SIPA1L1: variants seen among roughly 807,000 people sequenced by gnomAD.
SIPA1L1 encodes signal induced proliferation associated 1 like 1, also known as signal-induced proliferation-associated 1-like protein 1.
Under a neutral mutation model 162.7 loss-of-function variants are expected in SIPA1L1, and 26 were observed. The ratio of observed to expected loss-of-function variants is 0.16; its 90% confidence interval spans 0.12 to 0.22. SIPA1L1 has a LOEUF of 0.22. SIPA1L1 is among the 10% of genes least tolerant of loss of function. The pLI is 1.00. For synonymous variants in SIPA1L1, 829 were observed against 837.4 expected (o/e 0.99, Z 0.17); for missense variants, 1,874 against 2,241.0 (o/e 0.84, Z 3.31).
chr14:71,465,740 G>C (rs975802739), intron 2 of SIPA1L1, among the ~76,000 whole-genome samples: 1 of 152,242 alleles, frequency 6.6e-6, no homozygotes, highest in East Asian at 1.9e-4. Flanking sequence ...ACAGAACTAA[G>C]GGGAGTTTAT....
intron 2 of SIPA1L1, chr14:71,448,738 A>T (rs2045596812): frequency 6.6e-6 from 1 of 152,224 alleles, no homozygotes. Context: ...AGGCTGAGGC[A>T]GGAGGATTGT....
At chr14:71,507,422 C>G (rs1711548129) in intron 2 of SIPA1L1, among the ~76,000 whole-genome samples, 1 of 152,164 alleles carries the variant, frequency 6.6e-6, no homozygotes, top group South Asian at 2.1e-4. Context: ...AATTAAGACA[C>G]TCATCTTTCT....
intron 2 of SIPA1L1, among the ~76,000 whole-genome samples, chr14:71,391,207 T>C (rs1187296679): frequency 6.7e-6 from 1 of 148,946 alleles, no homozygotes; most frequent in Admixed American, 6.8e-5. Flanking sequence ...CCCAGGTTCA[T>C]GCCATTCTTC....
intron 2 of SIPA1L1, among the ~76,000 whole-genome samples, chr14:71,400,118 C>G (rs2041553602): frequency 6.6e-6 from 1 of 152,114 alleles, no homozygotes; most frequent in Non-Finnish European, 1.5e-5. Context: ...AGCTGAGGTA[C>G]CAGACCCAGC....
intron 12 of SIPA1L1, among the ~76,000 whole-genome samples, chr14:71,679,284 A>G (rs2149478798): frequency 6.6e-6 from 1 of 152,210 alleles, no homozygotes; most frequent in East Asian, 1.9e-4. Context: ...AATATTCAAC[A>G]TTCTTAAAGA....
chr14:71,706,802 G>A (rs189729489), intron 16 of SIPA1L1, among the ~76,000 whole-genome samples: 230 of 152,234 alleles, frequency 1.5e-3, no homozygotes, highest in Non-Finnish European at 2.7e-3. Context: ...GGAATGCCTA[G>A]GCAGGTGGAT....
At chr14:71,432,287 G>A (rs2044046052) in intron 2 of SIPA1L1, among the ~76,000 whole-genome samples, 2 of 151,812 alleles carry the variant, frequency 1.3e-5, no homozygotes, top group South Asian at 4.2e-4. Flanking sequence ...TTGCCAGGTT[G>A]GTCTTGAACT....
chr14:71,690,602 A>G (rs1458141916), intron 13 of SIPA1L1, among the ~76,000 whole-genome samples: 3 of 152,082 alleles, frequency 2.0e-5, no homozygotes, highest in African/African-American at 4.8e-5. Context: ...CTTATTTGAT[A>G]CCATTCACTA....
intron 3 of SIPA1L1, chr14:71,528,716 C>T (rs2053142589): frequency 6.6e-6 from 1 of 151,966 alleles, no homozygotes; most frequent in African/African-American, 2.4e-5. Context: ...AATAGCAGTC[C>T]AGGGCAACAG....
At chr14:71,373,657 C>CAA (rs34113031) in intron 2 of SIPA1L1, among the ~76,000 whole-genome samples, 13 of 83,668 alleles carry the variant, frequency 1.6e-4, no homozygotes, top group Non-Finnish European at 2.1e-4. Flanking sequence ...ACTCTGTCTC[C>CAA]AAAAAAAAAA....
intron 2 of SIPA1L1, among the ~76,000 whole-genome samples, chr14:71,334,058 C>G (rs1205842606): frequency 1.3e-5 from 2 of 152,078 alleles, no homozygotes; most frequent in Non-Finnish European, 2.9e-5. Context: ...ATGGAGATGC[C>G]TAGAGGAGCA....
At chr14:71,615,780 G>A (rs11845195) in intron 5 of SIPA1L1, among the ~76,000 whole-genome samples, 1,640 of 152,306 alleles carry the variant, frequency 0.011, 44 homozygotes, top group African/African-American at 0.037. Flanking sequence ...GCCAAGGCGG[G>A]CAGATCACTT....
chr14:71,707,337 G>C (rs1383895625), intron 16 of SIPA1L1, among the ~76,000 whole-genome samples: 1 of 152,142 alleles, frequency 6.6e-6, no homozygotes, highest in Admixed American at 6.5e-5. Flanking sequence ...TTTAAATTGA[G>C]ATATAATTCA....
chr14:71,676,630 C>T (rs1241062647), intron 12 of SIPA1L1, among the ~76,000 whole-genome samples: 1 of 110,840 alleles, frequency 9.0e-6, no homozygotes, highest in Non-Finnish European at 1.8e-5. Flanking sequence ...CCCCCCTCCC[C>T]CCACCCCATG....
chr14:71,378,125 TCTAA>T (rs1379731091), intron 2 of SIPA1L1, among the ~76,000 whole-genome samples: 4 of 152,050 alleles, frequency 2.6e-5, no homozygotes, highest in African/African-American at 9.7e-5. Context: ...TTTTGATCAC[TCTAA>T]CTAAAAGTGT....
chr14:71,670,216 C>T (rs951019287), intron 10 of SIPA1L1, among the ~76,000 whole-genome samples: 4 of 152,184 alleles, frequency 2.6e-5, no homozygotes, highest in African/African-American at 7.2e-5. Context: ...ATATCAACAA[C>T]TTCCTTTGTT....
intron 2 of SIPA1L1, among the ~76,000 whole-genome samples, chr14:71,467,651 A>G (rs187630902): frequency 5.5e-4 from 84 of 152,316 alleles, no homozygotes; most frequent in Middle Eastern, 3.4e-3. Context: ...GTTTTTAAGT[A>G]TAATGAGTCA....
At chr14:71,702,014 T>C (rs1335341219) in intron 14 of SIPA1L1, among the ~76,000 whole-genome samples, 1 of 152,218 alleles carries the variant, frequency 6.6e-6, no homozygotes, top group African/African-American at 2.4e-5. Context: ...AATATTAATA[T>C]TTAGTTTGTG....
chr14:71,423,979 G>A (rs1356072653), intron 2 of SIPA1L1, among the ~76,000 whole-genome samples: 3 of 152,078 alleles, frequency 2.0e-5, no homozygotes, highest in African/African-American at 4.8e-5. Flanking sequence ...TCTTTCAGCA[G>A]TGTTTTGTAG....
Sources: gnomAD v4.1 joint callset for allele counts (sites outside exome capture counted in the v4.1 genomes callset) on GRCh38, gnomAD v4.1.1 for gene constraint, MANE v1.5 for transcripts, NCBI Gene and HGNC (gene_info 2026-07-23, HGNC 2026-07-21) for gene names.